DIAPH3: variants seen among roughly 807,000 people sequenced by gnomAD.
DIAPH3 encodes the protein protein diaphanous homolog 3.
DIAPH3 carries 117 observed loss-of-function variants against 144.3 expected under a neutral mutation model. The ratio of observed to expected loss-of-function variants is 0.81; its 90% CI spans 0.70 to 0.95. DIAPH3 has a LOEUF of 0.95. DIAPH3 is among the 40% of genes least tolerant of loss of function. DIAPH3 has a pLI of 0.00. For missense variants in DIAPH3, 1,421 were observed against 1,412.7 expected, an observed-to-expected ratio of 1.01 and a Z score of -0.09; for synonymous variants, 519 against 488.9, an observed-to-expected ratio of 1.06 and a Z score of -0.81.
intron 17 of DIAPH3, among the ~76,000 whole-genome samples, chr13:59,947,284 T>C (rs1320652340): frequency 6.6e-6 from 1 of 152,168 alleles, no homozygotes; most frequent in African/African-American, 2.4e-5. Flanking sequence ...AAGAGTCACA[T>C]GTTCGTGTTG....
At chr13:59,976,783 C>T (rs1359484990) in intron 14 of DIAPH3, among the ~76,000 whole-genome samples, 2 of 151,816 alleles carry the variant, frequency 1.3e-5, no homozygotes, top group Non-Finnish European at 2.9e-5. Flanking sequence ...TCCCTATCAA[C>T]ATCTCAGCTT....
chr13:59,677,115 A>G (rs1383676467), intron 27 of DIAPH3, among the ~76,000 whole-genome samples: 2 of 152,086 alleles, frequency 1.3e-5, no homozygotes, highest in Non-Finnish European at 2.9e-5. Context: ...TGCCCACCTC[A>G]TAACAAGTTC....
At chr13:59,816,732 T>C (rs1400827042) in intron 24 of DIAPH3, among the ~76,000 whole-genome samples, 1 of 151,874 alleles carries the variant, frequency 6.6e-6, no homozygotes, top group Non-Finnish European at 1.5e-5. Flanking sequence ...ACATAATACA[T>C]GTACATATTT....
At chr13:59,969,505 G>C (rs2050236452) in intron 17 of DIAPH3, among the ~76,000 whole-genome samples, 1 of 152,078 alleles carries the variant, frequency 6.6e-6, no homozygotes, top group Admixed American at 6.6e-5. Context: ...ATCTACGTTG[G>C]GTATTTCTCC....
chr13:60,040,780 T>C (rs1338339299), intron 5 of DIAPH3, among the ~76,000 whole-genome samples: 9 of 152,182 alleles, frequency 5.9e-5, no homozygotes, highest in Admixed American at 5.2e-4. Context: ...ATCTGCTTTG[T>C]TTATTCAAGC....
chr13:60,114,076 T>C (rs2058639112), intron 2 of DIAPH3, among the ~76,000 whole-genome samples: 1 of 152,276 alleles, frequency 6.6e-6, no homozygotes, highest in Admixed American at 6.5e-5. Context: ...GAGCATGTCA[T>C]AATGCCATCT....
intron 9 of DIAPH3, among the ~76,000 whole-genome samples, chr13:60,001,126 C>T (rs920766712): frequency 6.6e-6 from 1 of 152,160 alleles, no homozygotes. Flanking sequence ...CAGCATATCT[C>T]TCCAGAGCAA....
chr13:59,755,012 G>A (rs2037186273), intron 27 of DIAPH3, among the ~76,000 whole-genome samples: 1 of 152,012 alleles, frequency 6.6e-6, no homozygotes, highest in Non-Finnish European at 1.5e-5. Flanking sequence ...TTTCTATACA[G>A]GTATAGTAAA....
intron 12 of DIAPH3, among the ~76,000 whole-genome samples, chr13:59,984,756 CCCAAGACTAAA>C (rs1457209301): frequency 7.4e-6 from 1 of 135,882 alleles, no homozygotes; most frequent in Non-Finnish European, 1.6e-5. Flanking sequence ...CATACACTCT[CCCAAGACTAAA>C]CCAGGAAGAA....
At chr13:59,844,332 G>A (rs748676772) in intron 22 of DIAPH3, among the ~76,000 whole-genome samples, 1 of 151,610 alleles carries the variant, frequency 6.6e-6, no homozygotes, top group Non-Finnish European at 1.5e-5. Context: ...GGGAAACCCC[G>A]TCTCTACTAA....
intron 4 of DIAPH3, among the ~76,000 whole-genome samples, chr13:60,071,053 T>C (rs1452579910): frequency 6.6e-6 from 1 of 152,210 alleles, no homozygotes; most frequent in Non-Finnish European, 1.5e-5. Flanking sequence ...AAAATTTTTA[T>C]TCTCACTTCC....
chr13:59,705,583 T>C lies in DIAPH3; in HGVS notation c.3320-38737A>G, dbSNP rs189543542. ...GGGACTTCTTGTGTGTTTTGTAAAC[T>C]GGCTCTGAAGGCAACTTCAAGAAAC... On this transcript the variant is annotated intron_variant, in intron 27 of 27. Transcript: ENST00000400324. 4.6e-5 allele frequency among the ~76,000 whole-genome samples: 7 copies of C among 152,334 alleles called. No homozygotes were observed. In the East Asian group the frequency reaches 1.3e-3, roughly 29 times the overall value.
intron 17 of DIAPH3, among the ~76,000 whole-genome samples, chr13:59,966,653 T>C (rs1228239226): frequency 6.6e-6 from 1 of 152,100 alleles, no homozygotes; most frequent in Admixed American, 6.5e-5. Flanking sequence ...ACAAATAAAG[T>C]CTACATGACA....
intron 24 of DIAPH3, among the ~76,000 whole-genome samples, chr13:59,823,613 T>C (rs548196949): frequency 6.6e-6 from 1 of 152,274 alleles, no homozygotes; most frequent in East Asian, 1.9e-4. Flanking sequence ...TTGTACATGA[T>C]TTTCCTTCCT....
At chr13:60,038,233 T>C (rs1445806537) in intron 5 of DIAPH3, among the ~76,000 whole-genome samples, 1 of 152,130 alleles carries the variant, frequency 6.6e-6, no homozygotes, top group African/African-American at 2.4e-5. Context: ...AGGAGATGCA[T>C]GTTATATTGT....
At chr13:59,864,012 T>C (rs1424978686) in intron 21 of DIAPH3, among the ~76,000 whole-genome samples, 1 of 152,098 alleles carries the variant, frequency 6.6e-6, no homozygotes, top group Non-Finnish European at 1.5e-5. Context: ...TACATTATAG[T>C]GGAACTAAGA....
At position 60,136,330 on chromosome 13, in the gene DIAPH3, A is replaced by G. The variant is rs1415368591; in HGVS notation, c.181-3341T>C. On this transcript the variant is annotated intron_variant, in intron 1 of 27. Transcript: ENST00000400324. ...TTCAGGAAAATAGTTAACTGCAAACATCAATCCAGTTCATGAGTAGCCACC... is the reference window on the plus strand; with the variant it reads ...TTCAGGAAAATAGTTAACTGCAAACGTCAATCCAGTTCATGAGTAGCCACC... Among the ~76,000 whole-genome samples the G allele has an allele frequency of 2.6e-5, 4 of 152,306 alleles. No homozygotes were observed. In the South Asian group the frequency reaches 8.3e-4, roughly 32 times the overall value.
At chr13:60,106,828 G>A (rs2058433083) in intron 3 of DIAPH3, among the ~76,000 whole-genome samples, 1 of 152,034 alleles carries the variant, frequency 6.6e-6, no homozygotes, top group Non-Finnish European at 1.5e-5. Flanking sequence ...GAGATATGCT[G>A]TTTACATTTG....
At chr13:60,156,918 C>CATATATATAT (rs1233542016) in intron 1 of DIAPH3, among the ~76,000 whole-genome samples, 6 of 55,674 alleles carry the variant, frequency 1.1e-4, no homozygotes, top group African/African-American at 1.6e-4. Flanking sequence ...CCAGATCCTT[C>CATATATATAT]ATATATATAT....
Sources: gnomAD v4.1 joint callset for allele counts (sites outside exome capture counted in the v4.1 genomes callset) on GRCh38, gnomAD v4.1.1 for gene constraint, MANE v1.5 for transcripts, NCBI Gene and HGNC (gene_info 2026-07-23, HGNC 2026-07-21) for gene names.